The following SYCP1 variants were observed in gnomAD, a reference collection of about 807,000 sequenced individuals.
SYCP1 encodes cancer/testis antigen 8.
A neutral mutation model predicts 153.1 loss-of-function variants in SYCP1; 64 were observed. The observed-to-expected ratio is 0.42, with a 90% CI of 0.34 to 0.51. SYCP1 has a LOEUF of 0.51. Among genes scored for constraint, SYCP1 ranks in the 20% least tolerant of loss-of-function variants. The pLI, the probability that SYCP1 is intolerant of heterozygous loss-of-function variation, is 0.06. For synonymous variants in SYCP1, 384 were observed against 341.8 expected (o/e 1.12, Z -1.36); for missense variants, 997 against 1,049.0 (o/e 0.95, Z 0.68).
chr1:114,944,847 C>CTTT, intron 24 of SYCP1, 25 bp from the exon 25 acceptor site: 4 of 1,174,972 alleles, frequency 3.4e-6, no homozygotes, highest in Admixed American at 5.3e-5. Context: ...TTTTAAGAAA[C>CTTT]TTTTTTTTTT....
intron 12 of SYCP1, among the ~76,000 whole-genome samples, chr1:114,882,290 C>G (rs1666007331): frequency 6.6e-6 from 1 of 152,186 alleles, no homozygotes. Flanking sequence ...CTCTTAATCT[C>G]TTTTTTCTAT....
Position 114,995,064 on chromosome 1 carries a change from T to G in SYCP1, c.*45T>G. On this transcript the variant is annotated 3_prime_UTR_variant, in exon 32 of 32. Coordinates refer to ENST00000369522, the MANE Select transcript of SYCP1 (RefSeq NM_003176.4). Reference sequence around the variant, plus strand: ...TTAAGGAGCCTAATAACGTGAAACTTATAGTTAATATTTTGTTCTTATTTG... The same window carrying G: ...TTAAGGAGCCTAATAACGTGAAACTGATAGTTAATATTTTGTTCTTATTTG... The G allele has an allele frequency of 6.7e-7, 1 of 1,495,002 alleles. No individual in the cohort carries two copies. The highest frequency in any genetic ancestry group is 8.9e-7 in the Non-Finnish European group (1 of 1,123,164). The allele number at this position is 1,495,002 out of a possible 1,614,324, so 92.6% of individuals were successfully genotyped here.
At chr1:114,986,956 C>T (rs752976178) in intron 30 of SYCP1, among the ~76,000 whole-genome samples, 5 of 152,008 alleles carry the variant, frequency 3.3e-5, no homozygotes, top group Non-Finnish European at 5.9e-5. Flanking sequence ...GCTCATGTTC[C>T]CTGAGTGACT....
intron 23 of SYCP1, among the ~76,000 whole-genome samples, chr1:114,943,994 G>C (rs1054473938): frequency 1.5e-4 from 23 of 151,702 alleles, no homozygotes; most frequent in Non-Finnish European, 2.7e-4. Context: ...ATATGCCTTT[G>C]AATCACATGA....
intron 15 of SYCP1, among the ~76,000 whole-genome samples, chr1:114,890,691 TG>T (rs1666650274): frequency 6.6e-6 from 1 of 152,180 alleles, no homozygotes; most frequent in Non-Finnish European, 1.5e-5. Context: ...TCAACTTCTT[TG>T]GGTGACAATA....
At chr1:114,994,260 T>C (rs572823522) in intron 30 of SYCP1, among the ~76,000 whole-genome samples, 1 of 151,508 alleles carries the variant, frequency 6.6e-6, no homozygotes, top group East Asian at 1.9e-4. Context: ...TGCTGGATCA[T>C]AGATAATATT....
intron 9 of SYCP1, among the ~76,000 whole-genome samples, chr1:114,875,741 A>G (rs17032931): frequency 0.034 from 5,181 of 152,264 alleles, 292 homozygotes; most frequent in African/African-American, 0.12. Context: ...ACATTAGTGG[A>G]GAAGACGTAA....
At chr1:114,935,531 G>C (rs1450243972) in intron 23 of SYCP1, among the ~76,000 whole-genome samples, 1 of 152,140 alleles carries the variant, frequency 6.6e-6, no homozygotes, top group Non-Finnish European at 1.5e-5. Flanking sequence ...TCAAAAGCTA[G>C]CAGAAGGCAA....
intron 8 of SYCP1, among the ~76,000 whole-genome samples, chr1:114,867,675 C>T (rs1664855563): frequency 6.6e-6 from 1 of 151,830 alleles, no homozygotes; most frequent in African/African-American, 2.4e-5. Flanking sequence ...CTTTCAAATT[C>T]TCTGTATAGA....
intron 2 of SYCP1, among the ~76,000 whole-genome samples, chr1:114,855,862 T>A (rs999561332): frequency 2.6e-5 from 4 of 152,190 alleles, no homozygotes; most frequent in Non-Finnish European, 2.9e-5. Flanking sequence ...GGACAGATAC[T>A]ACGAGATAGT....
chr1:114,879,489 C>G (rs1486194538), intron 12 of SYCP1, among the ~76,000 whole-genome samples: 1 of 152,148 alleles, frequency 6.6e-6, no homozygotes, highest in Non-Finnish European at 1.5e-5. Context: ...CTTCTCTCCA[C>G]CCCAAGTCTG....
chr1:114,971,871 G>GT, intron 27 of SYCP1, among the ~76,000 whole-genome samples: 1 of 152,146 alleles, frequency 6.6e-6, no homozygotes, highest in Non-Finnish European at 1.5e-5. Context: ...TGGGCCTTTA[G>GT]TTTTCTTTTT....
chr1:114,922,214 C>G (rs1668940322), intron 20 of SYCP1, among the ~76,000 whole-genome samples: 1 of 152,116 alleles, frequency 6.6e-6, no homozygotes, highest in Admixed American at 6.6e-5. Flanking sequence ...CTTGAATCAA[C>G]TTTCTACCCT....
At chr1:114,910,752 C>G (rs1165035924) in intron 17 of SYCP1, among the ~76,000 whole-genome samples, 1 of 151,898 alleles carries the variant, frequency 6.6e-6, no homozygotes. Flanking sequence ...AGTGATATTT[C>G]TTGATGTCTT....
At chr1:114,856,462 C>T in intron 2 of SYCP1, 111 bp from the exon 3 acceptor site, 2 of 629,882 alleles carry the variant, frequency 3.2e-6, no homozygotes, top group African/African-American at 1.9e-5. Context: ...AAAGGATTTG[C>T]AATTATAGTA....
intron 16 of SYCP1, among the ~76,000 whole-genome samples, chr1:114,907,125 CAT>C (rs1026515099): frequency 6.6e-6 from 1 of 152,076 alleles, no homozygotes; most frequent in Non-Finnish European, 1.5e-5. Flanking sequence ...TCTATTTTAA[CAT>C]ATTATTATAG....
rs140329259 is a variant in SYCP1, at chr1:114,887,549, A to G, written c.1191-77A>G. 8.6e-4 allele frequency: 817 copies of G among 950,412 alleles called. 6 individuals carry two copies. Among genetic ancestry groups the G allele is most frequent in the Middle Eastern group, 2.4e-3 (8 of 3,360 alleles). The allele number at this position is 950,412 out of a possible 1,614,324, so 58.9% of individuals were successfully genotyped here. On this transcript the variant is annotated intron_variant, in intron 14 of 31. Coordinates refer to ENST00000369522, the MANE Select transcript of SYCP1 (RefSeq NM_003176.4). ...TCTATTCTAAGATATATCAGTTGCT[A>G]AATTGCACCAATTTTAGTTATGAGA...
chr1:114,867,432 T>G (rs1347116992), intron 8 of SYCP1, among the ~76,000 whole-genome samples: 4 of 152,166 alleles, frequency 2.6e-5, no homozygotes, highest in African/African-American at 7.2e-5. Flanking sequence ...ATTGTTTTCA[T>G]CAAAATTTTA....
At chr1:114,907,731 G>A (rs1443016896) in intron 16 of SYCP1, among the ~76,000 whole-genome samples, 3 of 151,798 alleles carry the variant, frequency 2.0e-5, no homozygotes, top group African/African-American at 7.3e-5. Flanking sequence ...ACAGGCGCCC[G>A]CCATGACGCC....
Sources: gnomAD v4.1 joint callset for allele counts (sites outside exome capture counted in the v4.1 genomes callset) on GRCh38, gnomAD v4.1.1 for gene constraint, MANE v1.5 for transcripts, NCBI Gene and HGNC (gene_info 2026-07-23, HGNC 2026-07-21) for gene names.